The following SOCS7 variants were observed in gnomAD, a reference collection of about 807,000 sequenced individuals.
The protein encoded by SOCS7 is NAP-4.
SOCS7 carries 18 observed loss-of-function variants against 58.9 expected under a neutral mutation model. The observed-to-expected ratio is 0.31, with a 90% CI of 0.21 to 0.45. The LOEUF (loss-of-function observed/expected upper bound fraction) is 0.45, where lower values mean the gene tolerates loss of function less well. Ranked by LOEUF, SOCS7 falls within the 20% of genes least tolerant of loss-of-function variation. The pLI is 1.00. For missense variants in SOCS7, 667 were observed against 837.3 expected, an observed-to-expected ratio of 0.80 and a Z score of 2.51; for synonymous variants, 388 against 364.3, an observed-to-expected ratio of 1.06 and a Z score of -0.74.
chr17:38,393,358 C>T (rs1232483377), intron 7 of SOCS7, among the ~76,000 whole-genome samples: 5 of 152,068 alleles, frequency 3.3e-5, no homozygotes, highest in African/African-American at 7.2e-5. Flanking sequence ...CTATCTGGGC[C>T]GGGCATGGTG....
chr17:38,397,944 A>G (rs1194307442), intron 9 of SOCS7, among the ~76,000 whole-genome samples: 2 of 152,170 alleles, frequency 1.3e-5, no homozygotes, highest in African/African-American at 4.8e-5. Context: ...GGAGCCAGCC[A>G]TGGGAGTGCC....
At chr17:38,398,378 T>A (rs536934890) in intron 9 of SOCS7, among the ~76,000 whole-genome samples, 2 of 151,608 alleles carry the variant, frequency 1.3e-5, no homozygotes, top group African/African-American at 4.8e-5. Context: ...AGTGGGAGGC[T>A]GGGATTACAG....
chr17:38,367,854 C>G (rs200851298), intron 5 of SOCS7, 28 bp from the exon 6 acceptor site: 4 of 1,607,108 alleles, frequency 2.5e-6, no homozygotes, highest in African/African-American at 1.3e-5. Context: ...GTCCTGATAA[C>G]TAGTGGACTG....
At chr17:38,360,864 C>G (rs944534116) in intron 1 of SOCS7, among the ~76,000 whole-genome samples, 1 of 152,224 alleles carries the variant, frequency 6.6e-6, no homozygotes, top group South Asian at 2.1e-4. Context: ...TCTATTACCT[C>G]GACAAGTTCA....
intron 7 of SOCS7, among the ~76,000 whole-genome samples, chr17:38,385,275 T>A (rs961414531): frequency 6.6e-6 from 1 of 152,002 alleles, no homozygotes; most frequent in Non-Finnish European, 1.5e-5. Flanking sequence ...TTTAAAATAT[T>A]GTTATGTTTG....
chr17:38,398,164 G>A (rs557527101), intron 9 of SOCS7, among the ~76,000 whole-genome samples: 2 of 151,926 alleles, frequency 1.3e-5, no homozygotes, highest in South Asian at 2.1e-4. Flanking sequence ...AAGAGTAAGC[G>A]TAATGCTGAA....
Position 38,401,875 on chromosome 17 carries a change from C to T in SOCS7, c.*2393C>T, listed in dbSNP as rs1434181616. The T allele has an allele frequency of 6.6e-6, 1 of 152,392 alleles. No homozygotes were observed. Among genetic ancestry groups the T allele is most frequent in the African/African-American group, 2.4e-5 (1 of 41,464 alleles). The allele number at this position is 152,392 out of a possible 1,614,324, so 9.4% of individuals were successfully genotyped here. ...GAAGCTTCCCAGCCACCAGGCAGAC[C>T]TGAGTGCCAAGGGGTTATGATGGTG... On this transcript the variant is annotated 3_prime_UTR_variant, in exon 10 of 10. Transcript: ENST00000612932.
chr17:38,378,005 T>A (rs1249429943), intron 7 of SOCS7, among the ~76,000 whole-genome samples, 163 bp downstream of exon 7: 1 of 152,238 alleles, frequency 6.6e-6, no homozygotes, highest in Non-Finnish European at 1.5e-5. Flanking sequence ...CCTGCCTTTG[T>A]ACATTAATCT....
chr17:38,355,260 G>A (rs2037620371), intron 1 of SOCS7, among the ~76,000 whole-genome samples: 1 of 152,158 alleles, frequency 6.6e-6, no homozygotes, highest in South Asian at 2.1e-4. Flanking sequence ...ATGGGTGAGC[G>A]TTGACTGTCT....
intron 1 of SOCS7, among the ~76,000 whole-genome samples, chr17:38,360,153 A>G (rs1044907300): frequency 1.3e-4 from 19 of 151,630 alleles, no homozygotes; most frequent in Non-Finnish European, 2.5e-4. Flanking sequence ...ATTTATATAT[A>G]GTCATCATAA....
chr17:38,379,157 CA>C (rs1173083126), intron 7 of SOCS7, among the ~76,000 whole-genome samples: 53 of 47,414 alleles, frequency 1.1e-3, no homozygotes, highest in Non-Finnish European at 1.8e-3. Flanking sequence ...GACCCTGTCT[CA>C]AAAAAAAAAA....
intron 3 of SOCS7, 61 bp downstream of exon 3, chr17:38,364,917 T>C (rs2037768944): frequency 3.0e-6 from 4 of 1,341,362 alleles, no homozygotes; most frequent in Non-Finnish European, 4.2e-6. Flanking sequence ...CAGGGACTTG[T>C]TCTTTGCTGG....
At chr17:38,356,284 G>A (rs1275976806) in intron 1 of SOCS7, among the ~76,000 whole-genome samples, 1 of 151,934 alleles carries the variant, frequency 6.6e-6, no homozygotes, top group African/African-American at 2.4e-5. Flanking sequence ...GGAAGGCAGA[G>A]GCAGGAGGAT....
intron 7 of SOCS7, among the ~76,000 whole-genome samples, chr17:38,387,318 G>A (rs1424644660): frequency 1.4e-5 from 2 of 144,896 alleles, no homozygotes; most frequent in African/African-American, 5.1e-5. Flanking sequence ...GTGGTGGTGG[G>A]CACCTGTAAT....
intron 9 of SOCS7, among the ~76,000 whole-genome samples, chr17:38,399,270 A>G (rs2038288318): frequency 6.6e-6 from 1 of 151,900 alleles, no homozygotes; most frequent in Non-Finnish European, 1.5e-5. Context: ...ATGTGGTAGG[A>G]TGTATTTATT....
intron 6 of SOCS7, among the ~76,000 whole-genome samples, chr17:38,368,913 T>C (rs1049522223): frequency 2.6e-5 from 4 of 152,212 alleles, no homozygotes; most frequent in African/African-American, 9.7e-5. Context: ...TCAACATGCT[T>C]TAGACTATCT....
At chr17:38,397,278 A>C (rs1002186443) in intron 9 of SOCS7, among the ~76,000 whole-genome samples, 9 of 152,212 alleles carry the variant, frequency 5.9e-5, no homozygotes, top group African/African-American at 2.2e-4. Context: ...GTGGGGAGCA[A>C]GTTCAGCATT....
chr17:38,394,500 C>T (rs1304765094), intron 7 of SOCS7, among the ~76,000 whole-genome samples: 1 of 151,978 alleles, frequency 6.6e-6, no homozygotes, highest in Non-Finnish European at 1.5e-5. Context: ...CCTGCTGAAC[C>T]AGCCTCTCTG....
chr17:38,387,133 G>GTATATGTGTGTGTATATATA (rs2038084505), intron 7 of SOCS7, among the ~76,000 whole-genome samples: 1 of 73,494 alleles, frequency 1.4e-5, no homozygotes, highest in African/African-American at 7.0e-5. Flanking sequence ...ATATATGTAT[G>GTATATGTGTGTGTATATATA]TATATATATA....
Sources: allele counts gnomAD v4.1 joint callset (sites outside exome capture counted in the v4.1 genomes callset), GRCh38; gene constraint gnomAD v4.1.1; transcripts MANE v1.5; gene names NCBI Gene and HGNC (gene_info 2026-07-23, HGNC 2026-07-21).